The following ASAP1 variants were observed in gnomAD, a reference collection of about 807,000 sequenced individuals.
ASAP1 encodes the protein arf-GAP with SH3 domain, ANK repeat and PH domain-containing protein 1.
In ASAP1, 43 loss-of-function variants were observed where a neutral mutation model predicts 145.2. The observed-to-expected ratio is 0.30, with a 90% CI of 0.23 to 0.38. The LOEUF is 0.38. ASAP1 is among the 10% of genes least tolerant of loss of function. The probability of loss-of-function intolerance (pLI) is 1.00; values close to 1 mark genes in which losing one functional copy is unlikely to be tolerated. For synonymous variants in ASAP1, 546 were observed against 515.5 expected, an observed-to-expected ratio of 1.06 and a Z score of -0.80; for missense variants, 1,018 against 1,355.3, an observed-to-expected ratio of 0.75 and a Z score of 3.91.
At chr8:130,150,859 G>A (rs191352409) in intron 13 of ASAP1, among the ~76,000 whole-genome samples, 6 of 152,214 alleles carry the variant, frequency 3.9e-5, no homozygotes, top group Admixed American at 3.3e-4. Context: ...CAGCCTGGGC[G>A]ACAGAGCCAG....
intron 8 of ASAP1, among the ~76,000 whole-genome samples, chr8:130,179,668 AGATT>A (rs1395888965): frequency 3.3e-5 from 5 of 152,328 alleles, no homozygotes; most frequent in South Asian, 4.1e-4. Context: ...AAAACTGGAA[AGATT>A]GATTGTTTTT....
chr8:130,086,935 G>A (rs1169094838), intron 25 of ASAP1, among the ~76,000 whole-genome samples: 1 of 152,158 alleles, frequency 6.6e-6, no homozygotes, highest in African/African-American at 2.4e-5. Flanking sequence ...TCTGGCCCTC[G>A]TTCTCACAAA....
intron 9 of ASAP1, among the ~76,000 whole-genome samples, chr8:130,174,837 C>T (rs1003296295): frequency 6.6e-6 from 1 of 152,200 alleles, no homozygotes; most frequent in Non-Finnish European, 1.5e-5. Flanking sequence ...CATTCACATT[C>T]AGCATTGTGG....
chr8:130,377,769 C>T (rs193255522), intron 2 of ASAP1, among the ~76,000 whole-genome samples: 36 of 152,314 alleles, frequency 2.4e-4, no homozygotes, highest in African/African-American at 8.7e-4. Context: ...CTCCAGCCCT[C>T]CCGGCTGTGT....
At chr8:130,359,645 C>T (rs1465423520) in intron 2 of ASAP1, among the ~76,000 whole-genome samples, 2 of 144,234 alleles carry the variant, frequency 1.4e-5, no homozygotes, top group African/African-American at 2.6e-5. Flanking sequence ...GAGACGGAGT[C>T]TCGCTCTGTC....
chr8:130,427,362 A>C (rs1248365688), intron 1 of ASAP1, among the ~76,000 whole-genome samples: 1 of 152,136 alleles, frequency 6.6e-6, no homozygotes, highest in Admixed American at 6.6e-5. Flanking sequence ...ATGAAATGCA[A>C]GCCCTTCCAA....
At chr8:130,179,744 A>C (rs1814216141) in intron 8 of ASAP1, among the ~76,000 whole-genome samples, 1 of 152,178 alleles carries the variant, frequency 6.6e-6, no homozygotes, top group Admixed American at 6.5e-5. Context: ...TTGAAACTTT[A>C]GGAAAAAGAG....
intron 5 of ASAP1, among the ~76,000 whole-genome samples, chr8:130,192,794 G>C (rs1365525246): frequency 6.6e-6 from 1 of 152,152 alleles, no homozygotes; most frequent in African/African-American, 2.4e-5. Flanking sequence ...TATATTCCCA[G>C]AACACTGCCT....
chr8:130,087,884 ATCT>A lies in ASAP1; in HGVS notation c.2572+4086_2572+4088del, dbSNP rs373427521. Among the ~76,000 whole-genome samples the A allele has an allele frequency of 1.4e-3, 211 of 152,296 alleles. 1 individual carries two copies. Among genetic ancestry groups the A allele is most frequent in the African/African-American group, 4.4e-3 (184 of 41,556 alleles). The stretch of plus-strand genomic sequence containing the variant: ...GGGAGAGGAGTACATGACAGCTCAC[ATCT>A]TCTCTGAAGACTAGAAAAAACAATG... On this transcript the variant is annotated intron_variant, in intron 25 of 29. Coordinates refer to ENST00000518721, the MANE Select transcript of ASAP1 (RefSeq NM_018482.4).
chr8:130,333,317 G>T (rs974875080), intron 3 of ASAP1, among the ~76,000 whole-genome samples: 70 of 152,284 alleles, frequency 4.6e-4, no homozygotes, highest in African/African-American at 1.5e-3. Flanking sequence ...AAAAGGCATG[G>T]CTGGCTGGGC....
At position 130,168,568 on chromosome 8, in the gene ASAP1, C is replaced by T. The variant is rs145718319; in HGVS notation, c.822+424G>A. Among the ~76,000 whole-genome samples, 151 of 152,090 alleles carry T rather than the reference C, an allele frequency of 9.9e-4. 1 individual carries two copies. The East Asian group carries it at 0.026, about 26-fold the overall frequency. ...TCGTGCCACTGTACTCCAGCCTGGG[C>T]GACAGAGTGAGACTCTGAAAAACAA... On this transcript the variant is annotated intron_variant, in intron 10 of 29. Transcript: ENST00000518721.
At chr8:130,126,958 T>C (rs1554828186) in intron 16 of ASAP1, among the ~76,000 whole-genome samples, 1 of 152,202 alleles carries the variant, frequency 6.6e-6, no homozygotes, top group Non-Finnish European at 1.5e-5. Context: ...TTTCCTCATC[T>C]GTAAAATGAG....
At chr8:130,204,840 C>T (rs1816103041) in intron 5 of ASAP1, among the ~76,000 whole-genome samples, 1 of 152,154 alleles carries the variant, frequency 6.6e-6, no homozygotes, top group Non-Finnish European at 1.5e-5. Flanking sequence ...GCAGTATATC[C>T]TAGCCTATCT....
chr8:130,195,148 A>T (rs569114650), intron 5 of ASAP1: 3 of 152,192 alleles, frequency 2.0e-5, no homozygotes, highest in Non-Finnish European at 2.9e-5. Flanking sequence ...TTGAATTAAC[A>T]TAAGTTCTTT....
intron 1 of ASAP1, among the ~76,000 whole-genome samples, chr8:130,441,152 A>T (rs1194795446): frequency 6.6e-6 from 1 of 152,230 alleles, no homozygotes; most frequent in East Asian, 1.9e-4. Flanking sequence ...GGCCTTGAGA[A>T]CAGGGTCCTA....
intron 9 of ASAP1, among the ~76,000 whole-genome samples, chr8:130,170,223 G>A (rs1360522875): frequency 4.6e-5 from 7 of 150,928 alleles, no homozygotes; most frequent in Non-Finnish European, 1.0e-4. Flanking sequence ...GTCTCTCTTC[G>A]TTGCCCAGGC....
chr8:130,234,361 G>A (rs1028828002), intron 4 of ASAP1, among the ~76,000 whole-genome samples: 1 of 152,036 alleles, frequency 6.6e-6, no homozygotes, highest in Non-Finnish European at 1.5e-5. Context: ...ACAAACCTAG[G>A]AGGAGGGCAC....
chr8:130,072,868 T>G (rs1321836844), intron 27 of ASAP1, among the ~76,000 whole-genome samples: 2 of 118,440 alleles, frequency 1.7e-5, no homozygotes, highest in African/African-American at 3.2e-5. Flanking sequence ...TCTCACCCGG[T>G]GGGACTGGCA....
intron 3 of ASAP1, among the ~76,000 whole-genome samples, chr8:130,275,880 A>C (rs1259703693): frequency 6.6e-6 from 1 of 152,212 alleles, no homozygotes; most frequent in African/African-American, 2.4e-5. Context: ...ACAGAACTGG[A>C]GGAGAACGTA....
Sources: gnomAD v4.1 joint callset for allele counts (sites outside exome capture counted in the v4.1 genomes callset) on GRCh38, gnomAD v4.1.1 for gene constraint, MANE v1.5 for transcripts, NCBI Gene and HGNC (gene_info 2026-07-23, HGNC 2026-07-21) for gene names.